Variants in RANBP17 observed in about 807,000 individuals in gnomAD.
RANBP17 encodes RAN binding protein 17.
In RANBP17, 158 loss-of-function variants were observed where a neutral mutation model predicts 141.2. That is an observed-to-expected ratio of 1.12 (90% CI 0.98 to 1.28). The LOEUF (loss-of-function observed/expected upper bound fraction) is 1.28. Ranked by LOEUF, RANBP17 falls within the 50% of genes most tolerant of loss-of-function variation. RANBP17 has a pLI of 0.00. For synonymous variants in RANBP17, 430 were observed against 450.0 expected (o/e 0.96, Z 0.56); for missense variants, 1,438 against 1,290.7 (o/e 1.11, Z -1.75).
chr5:171,155,138 CACAT>C (rs1385692638), intron 14 of RANBP17, among the ~76,000 whole-genome samples: 8 of 141,480 alleles, frequency 5.7e-5, no homozygotes, highest in Non-Finnish European at 6.1e-5. Flanking sequence ...CACACACACA[CACAT>C]ATACACATAT....
rs187884927 is a variant in RANBP17 at position 171,194,216 on chromosome 5, C to T, written c.2039-5454C>T. Among the ~76,000 whole-genome samples the T allele has an allele frequency of 5.9e-5, 9 of 152,214 alleles. No homozygotes were observed. In the East Asian group the frequency reaches 1.7e-3, roughly 29 times the overall value. The stretch of plus-strand genomic sequence containing the variant: ...GGTATTATTGTTTTAGATTCACATG[C>T]CATAAAATTCACTTTTGTAAAGTAC... On this transcript the variant is annotated intron_variant, in intron 18 of 27. Coordinates refer to ENST00000523189, the MANE Select transcript of RANBP17 (RefSeq NM_022897.5).
intron 12 of RANBP17, among the ~76,000 whole-genome samples, chr5:170,926,053 TTAC>T (rs1218344719): frequency 6.6e-6 from 1 of 152,192 alleles, no homozygotes; most frequent in Non-Finnish European, 1.5e-5. Context: ...TTAAACTATT[TTAC>T]AAAGTGTTTG....
At chr5:171,055,898 A>AC (rs1235660456) in intron 14 of RANBP17, among the ~76,000 whole-genome samples, 127 of 24,796 alleles carry the variant, frequency 5.1e-3, no homozygotes, top group African/African-American at 0.01. Context: ...AAAAAAAAAC[A>AC]AAAAAAAAAA....
intron 18 of RANBP17, among the ~76,000 whole-genome samples, chr5:171,196,201 TTTTA>T (rs1361109729): frequency 1.3e-5 from 2 of 152,104 alleles, no homozygotes; most frequent in Non-Finnish European, 2.9e-5. Context: ...GTGATTACCA[TTTTA>T]GATAGAGTGG....
chr5:170,895,227 G>A (rs1770016604), intron 4 of RANBP17, among the ~76,000 whole-genome samples: 1 of 152,186 alleles, frequency 6.6e-6, no homozygotes, highest in African/African-American at 2.4e-5. Flanking sequence ...TTCTGTGATA[G>A]TTAAAAGGAA....
chr5:170,926,606 T>G (rs557551707), intron 12 of RANBP17, among the ~76,000 whole-genome samples: 1 of 152,180 alleles, frequency 6.6e-6, no homozygotes, highest in Non-Finnish European at 1.5e-5. Flanking sequence ...CTGCTGCATA[T>G]CATTTTAGTG....
chr5:171,224,445 G>C (rs567685210), intron 22 of RANBP17, among the ~76,000 whole-genome samples: 28 of 152,112 alleles, frequency 1.8e-4, no homozygotes, highest in Non-Finnish European at 3.7e-4. Flanking sequence ...TCCTCTTCCA[G>C]TGTCACTGAC....
intron 14 of RANBP17, among the ~76,000 whole-genome samples, chr5:171,046,520 T>A (rs1398590745): frequency 6.6e-6 from 1 of 152,186 alleles, no homozygotes; most frequent in Non-Finnish European, 1.5e-5. Flanking sequence ...TCTGCCTTTT[T>A]AATGGCTGCA....
chr5:170,956,052 T>C (rs1775667436), intron 13 of RANBP17, among the ~76,000 whole-genome samples: 2 of 151,642 alleles, frequency 1.3e-5, no homozygotes, highest in Non-Finnish European at 2.9e-5. Flanking sequence ...GTCTTTGGTA[T>C]TAATAGCTTT....
intron 14 of RANBP17, among the ~76,000 whole-genome samples, chr5:171,089,248 G>A (rs1785987418): frequency 2.8e-5 from 3 of 106,032 alleles, no homozygotes; most frequent in South Asian, 9.2e-4. Context: ...CCTGCTGGGG[G>A]GGGCCTCCCA....
At chr5:171,156,471 GT>G (rs1758904151) in intron 14 of RANBP17, among the ~76,000 whole-genome samples, 1 of 152,164 alleles carries the variant, frequency 6.6e-6, no homozygotes, top group Middle Eastern at 3.4e-3. Context: ...TACATGAGTA[GT>G]TTTCTAGAAC....
chr5:170,918,331 G>A (rs1264246811), intron 9 of RANBP17: 1 of 153,358 alleles, frequency 6.5e-6, no homozygotes, highest in Non-Finnish European at 1.4e-5. Context: ...GGTGAGTATT[G>A]TTCTTTCCTA....
chr5:170,899,595 C>T (rs1770446286), intron 5 of RANBP17, among the ~76,000 whole-genome samples: 1 of 152,108 alleles, frequency 6.6e-6, no homozygotes, highest in Non-Finnish European at 1.5e-5. Context: ...TTGTCTTGTG[C>T]CGGTTTTCAA....
intron 1 of RANBP17, among the ~76,000 whole-genome samples, chr5:170,868,404 A>G (rs1216080067): frequency 6.7e-6 from 1 of 150,250 alleles, no homozygotes; most frequent in African/African-American, 2.5e-5. Context: ...ATGTGCTACC[A>G]CACCTGGCTG....
At chr5:171,082,788 A>G (rs1047375598) in intron 14 of RANBP17, among the ~76,000 whole-genome samples, 4 of 152,070 alleles carry the variant, frequency 2.6e-5, no homozygotes, top group African/African-American at 9.7e-5. Flanking sequence ...CAATTTAGGT[A>G]TCTTATTTGC....
At chr5:171,076,215 A>AGCTGACTT (rs1453071029) in intron 14 of RANBP17, among the ~76,000 whole-genome samples, 2 of 152,354 alleles carry the variant, frequency 1.3e-5, no homozygotes, top group Admixed American at 1.3e-4. Context: ...ATAGTAAAAA[A>AGCTGACTT]GCTGACTTAT....
intron 14 of RANBP17, among the ~76,000 whole-genome samples, chr5:171,023,083 C>T (rs1023843566): frequency 2.6e-5 from 4 of 152,228 alleles, no homozygotes; most frequent in Admixed American, 2.0e-4. Flanking sequence ...CTTCCTTCCT[C>T]TCTGGATCAC....
chr5:170,965,159 C>T (rs1203472192), intron 13 of RANBP17, among the ~76,000 whole-genome samples: 2 of 152,092 alleles, frequency 1.3e-5, no homozygotes, highest in Non-Finnish European at 2.9e-5. Context: ...TGATGGTGAG[C>T]ATTTTTTCAT....
intron 14 of RANBP17, among the ~76,000 whole-genome samples, chr5:171,002,517 G>T (rs1461607649): frequency 6.6e-6 from 1 of 152,136 alleles, no homozygotes; most frequent in Non-Finnish European, 1.5e-5. Context: ...CTTGTGTAGT[G>T]AGGAAACCTT....
Sources: gnomAD v4.1 joint callset for allele counts (sites outside exome capture counted in the v4.1 genomes callset) on GRCh38, gnomAD v4.1.1 for gene constraint, MANE v1.5 for transcripts, NCBI Gene and HGNC (gene_info 2026-07-23, HGNC 2026-07-21) for gene names.